SMOC1: variants seen among roughly 807,000 people sequenced by gnomAD.
SMOC1 encodes SPARC related modular calcium binding 1.
A neutral mutation model predicts 56.3 loss-of-function variants in SMOC1; 22 were observed. The ratio of observed to expected loss-of-function variants is 0.39; its 90% CI spans 0.28 to 0.56. SMOC1 has a LOEUF of 0.56. Ranked by LOEUF, SMOC1 falls within the 20% of genes least tolerant of loss-of-function variation. SMOC1 has a pLI of 0.61. For synonymous variants in SMOC1, 193 were observed against 215.0 expected (o/e 0.90, Z 0.89); for missense variants, 509 against 565.4 (o/e 0.90, Z 1.01).
chr14:69,915,141 T>G (rs1884653666), intron 1 of SMOC1, among the ~76,000 whole-genome samples: 2 of 152,230 alleles, frequency 1.3e-5, no homozygotes, highest in African/African-American at 4.8e-5. Context: ...GTGCTGGGAT[T>G]GCAGGCTTGA....
At chr14:69,947,087 G>GCCTGCCTTCCTTCCTT (rs1555360725) in intron 1 of SMOC1, among the ~76,000 whole-genome samples, 3 of 143,360 alleles carry the variant, frequency 2.1e-5, no homozygotes, top group Admixed American at 1.4e-4. Context: ...TCTCAGGCCG[G>GCCTGCCTTCCTTCCTT]CCTTCCTTCC....
intron 7 of SMOC1, among the ~76,000 whole-genome samples, chr14:70,001,432 T>G (rs1884965603): frequency 6.6e-6 from 1 of 152,024 alleles, no homozygotes; most frequent in Non-Finnish European, 1.5e-5. Flanking sequence ...TCCATACCAG[T>G]GGGGAGGAGT....
chr14:69,995,123 G>A (rs773278474), intron 7 of SMOC1, among the ~76,000 whole-genome samples: 2 of 152,194 alleles, frequency 1.3e-5, no homozygotes, highest in Non-Finnish European at 2.9e-5. Context: ...CTTTTCAACC[G>A]AAGACTTCAT....
chr14:70,011,292 G>A (rs1885326901), intron 8 of SMOC1, among the ~76,000 whole-genome samples, 193 bp from the exon 9 acceptor site: 1 of 152,188 alleles, frequency 6.6e-6, no homozygotes, highest in South Asian at 2.1e-4. Context: ...GAAATGACAT[G>A]CCTGAACATG....
At chr14:69,985,086 G>A (rs1206553028) in intron 5 of SMOC1, among the ~76,000 whole-genome samples, 3 of 150,674 alleles carry the variant, frequency 2.0e-5, no homozygotes, top group Admixed American at 6.6e-5. Flanking sequence ...TGCACAAATA[G>A]ACATTTCACC....
intron 1 of SMOC1, among the ~76,000 whole-genome samples, chr14:69,926,622 G>A (rs1015816405): frequency 6.6e-6 from 1 of 152,168 alleles, no homozygotes; most frequent in Non-Finnish European, 1.5e-5. Flanking sequence ...TTTCTGTCCT[G>A]TGGCCAGCTC....
intron 1 of SMOC1, among the ~76,000 whole-genome samples, chr14:69,887,701 C>T (rs971358807): frequency 6.6e-6 from 1 of 152,158 alleles, no homozygotes; most frequent in African/African-American, 2.4e-5. Flanking sequence ...AGACCCAGGC[C>T]CTGGCATAAA....
intron 1 of SMOC1, among the ~76,000 whole-genome samples, chr14:69,902,020 T>G (rs1358490811): frequency 6.6e-6 from 1 of 152,216 alleles, no homozygotes; most frequent in African/African-American, 2.4e-5. Flanking sequence ...ACCTCCCAGT[T>G]CTAGGGTGAA....
Position 70,011,541 on chromosome 14 carries a change from A to G in SMOC1, c.914A>G (p.Asp305Gly). 1.3e-6 allele frequency: 2 copies of G among 1,597,984 alleles called. No homozygotes were observed. The highest frequency in any genetic ancestry group is 1.7e-6 in the Non-Finnish European group (2 of 1,170,460). ...DARAKTTEAD[D>G]PFKDRELPGC... The stretch of plus-strand genomic sequence containing the variant: ...AGGGCCAAGACTACAGAGGCGGATG[A>G]CCCCTTCAAGGACAGGGAGCTACCA... Residue 305 changes from aspartate (D) to glycine (G), a missense_variant, in exon 9 of 12, where the codon GAC (aspartate) becomes GGC (glycine). By Grantham distance (94) the Asp-to-Gly change is moderately conservative. Around this residue, in one of 3 missense-constraint regions of SMOC1, gnomAD observed 176 missense variants for 188.1 expected, o/e 0.94. Transcript: ENST00000361956.
chr14:69,971,131 G>A (rs1883748898), intron 3 of SMOC1, among the ~76,000 whole-genome samples: 1 of 152,162 alleles, frequency 6.6e-6, no homozygotes, highest in African/African-American at 2.4e-5. Flanking sequence ...CAATTATCCT[G>A]CTTCGGCCTC....
chr14:69,879,578 G>A lies in SMOC1; in HGVS notation c.-101G>A, dbSNP rs950995065. ...GCAGGACCACGGCCCGCTCCCCGCC[G>A]CCGCGAGGGCCCCGAGCGAAGGAAG... On this transcript the variant is annotated 5_prime_UTR_variant, in exon 1 of 12. Coordinates refer to ENST00000361956, the MANE Select transcript of SMOC1 (RefSeq NM_001034852.3). The A allele has an allele frequency of 5.6e-5, 53 of 950,360 alleles. No individual in the cohort carries two copies. The highest frequency in any genetic ancestry group is 7.1e-5 in the Non-Finnish European group (50 of 707,708). 58.9% of individuals were successfully genotyped at this position (950,360 alleles called of 1,614,324 possible). A position where few individuals can be genotyped will look rare whatever the true frequency, so the allele number is the denominator to read the frequency against.
intron 10 of SMOC1, among the ~76,000 whole-genome samples, chr14:70,022,393 A>G (rs1282632724): frequency 1.3e-5 from 2 of 152,198 alleles, no homozygotes; most frequent in Non-Finnish European, 2.9e-5. Context: ...TCTGGATGCC[A>G]GGAAGTGTTC....
chr14:70,006,480 G>A (rs1885151722), intron 7 of SMOC1, among the ~76,000 whole-genome samples: 1 of 152,210 alleles, frequency 6.6e-6, no homozygotes, highest in Admixed American at 6.5e-5. Flanking sequence ...AACCTCTAGA[G>A]AAGCCCTTCA....
At chr14:69,923,427 G>A (rs1044264521) in intron 1 of SMOC1, among the ~76,000 whole-genome samples, 2 of 152,162 alleles carry the variant, frequency 1.3e-5, no homozygotes, top group African/African-American at 4.8e-5. Flanking sequence ...GGGAGCACAG[G>A]GGGTAATAGC....
intron 11 of SMOC1, among the ~76,000 whole-genome samples, chr14:70,027,214 C>T (rs1420993318): frequency 6.6e-6 from 1 of 152,184 alleles, no homozygotes; most frequent in African/African-American, 2.4e-5. Flanking sequence ...TAGCGATTTG[C>T]TCAAGGGTAC....
chr14:69,903,122 T>A (rs1017263047), intron 1 of SMOC1, among the ~76,000 whole-genome samples: 3 of 149,348 alleles, frequency 2.0e-5, no homozygotes, highest in African/African-American at 7.5e-5. Flanking sequence ...CTGCCCAGTC[T>A]GGGAAGTGAG....
intron 1 of SMOC1, among the ~76,000 whole-genome samples, chr14:69,883,931 G>A (rs1263689475): frequency 2.7e-5 from 3 of 109,404 alleles, no homozygotes; most frequent in African/African-American, 3.6e-5. Context: ...ACGGAGTCTC[G>A]CTCTGTCGCC....
chr14:69,949,941 G>T (rs1040663137), intron 1 of SMOC1, among the ~76,000 whole-genome samples: 1 of 152,166 alleles, frequency 6.6e-6, no homozygotes, highest in Non-Finnish European at 1.5e-5. Flanking sequence ...ATTTCTCCCC[G>T]TCAGCTCACC....
chr14:69,901,316 C>A (rs1019358030), intron 1 of SMOC1, among the ~76,000 whole-genome samples: 11 of 152,200 alleles, frequency 7.2e-5, no homozygotes, highest in African/African-American at 2.2e-4. Flanking sequence ...TGACTCATTT[C>A]CTCACTCCTT....
Sources: gnomAD v4.1 joint callset for allele counts (sites outside exome capture counted in the v4.1 genomes callset) on GRCh38, gnomAD v4.1.1 for gene constraint, gnomAD v4.1.1 regional missense constraint, MANE v1.5 for transcripts, NCBI Gene and HGNC (gene_info 2026-07-23, HGNC 2026-07-21) for gene names.